The following TERB1 variants were observed in gnomAD, a reference collection of about 807,000 sequenced individuals.
The protein encoded by TERB1 is telomere repeat binding bouquet formation protein 1, also known as telomere repeats-binding bouquet formation protein 1.
In TERB1, 63 loss-of-function variants were observed where a neutral mutation model predicts 92.3. The observed-to-expected ratio is 0.68, with a 90% CI of 0.56 to 0.84. The LOEUF (loss-of-function observed/expected upper bound fraction) is 0.84. Among genes scored for constraint, TERB1 ranks in the 40% least tolerant of loss-of-function variants. TERB1 has a pLI of 0.00. For synonymous variants in TERB1, 252 were observed against 283.9 expected (o/e 0.89, Z 1.13); for missense variants, 709 against 843.7 (o/e 0.84, Z 1.98).
At chr16:66,759,334 A>T (rs1395993062) in intron 16 of TERB1, 44 bp from the exon 17 acceptor site, 4 of 1,412,010 alleles carry the variant, frequency 2.8e-6, no homozygotes. Context: ...GTCACAAAAT[A>T]TCTAGTAACA....
intron 9 of TERB1, among the ~76,000 whole-genome samples, chr16:66,783,098 C>T (rs2018665491): frequency 6.6e-6 from 1 of 152,184 alleles, no homozygotes; most frequent in South Asian, 2.1e-4. Context: ...AAGTGGTCCT[C>T]CTGCCTCAGC....
chr16:66,801,608 C>G (rs1276544810), upstream of TERB1: 1 of 152,258 alleles, frequency 6.6e-6, no homozygotes, highest in Non-Finnish European at 1.5e-5. Context: ...GCCCAGCCGA[C>G]CAGGCTCACG....
Position 66,785,787 on chromosome 16 carries a change from G to A in TERB1, c.699C>T (p.Asn233=), listed in dbSNP as rs2018719101. The A allele has an allele frequency of 3.3e-6, 5 of 1,530,620 alleles. No individual in the cohort carries two copies. The East Asian group carries it at 9.9e-5, about 30-fold the overall frequency. 94.8% of individuals were successfully genotyped at this position (1,530,620 alleles called of 1,614,324 possible). A position where few individuals can be genotyped will look rare whatever the true frequency, so the allele number is the denominator to read the frequency against. The change falls in exon 9 of 19, where the codon AAC becomes AAT. Residue 233 remains asparagine, a splice_region_variant and synonymous_variant. Coordinates refer to ENST00000433154, the MANE Select transcript of TERB1 (RefSeq NM_001136505.2). ...CSFIGLTLAN[N]TYVQKYFVSV... is the part of the protein sequence containing the mutation. ...ACCTAGAAAATAACGAACACTTACT[G>A]TTATTTGCAAGAGTGAGTCCAATAA...
intron 13 of TERB1, among the ~76,000 whole-genome samples, chr16:66,770,613 T>C (rs1405633020): frequency 2.0e-5 from 3 of 152,116 alleles, no homozygotes; most frequent in African/African-American, 7.2e-5. Context: ...AAGAAACCAT[T>C]ATATTTTAAT....
intron 16 of TERB1, among the ~76,000 whole-genome samples, chr16:66,762,818 G>A (rs1346062084): frequency 1.3e-5 from 2 of 151,600 alleles, no homozygotes; most frequent in South Asian, 4.2e-4. Flanking sequence ...CAAGTAGCTG[G>A]GACTATAGGC....
In TERB1 at chr16:66,791,006, G is replaced by A; in HGVS notation, c.45C>T (p.Asp15=). The A allele has an allele frequency of 1.3e-6, 2 of 1,527,524 alleles. No individual in the cohort carries two copies. The highest frequency in any genetic ancestry group is 1.8e-6 in the Non-Finnish European group (2 of 1,133,608). 94.6% of individuals were successfully genotyped at this position (1,527,524 alleles called of 1,614,324 possible). A position where few individuals can be genotyped will look rare whatever the true frequency, so the allele number is the denominator to read the frequency against. The part of the protein sequence containing the change: ...DTKKTQEMKT[D]LNLLLECLKY... Reference sequence around the variant, plus strand: ...TTAGACACTCCAATAATAAGTTCAGGTCAGTCTTCATTTCTAAAGAACAAA... The same window carrying A: ...TTAGACACTCCAATAATAAGTTCAGATCAGTCTTCATTTCTAAAGAACAAA... Residue 15 remains aspartate (D), a synonymous_variant, in exon 4 of 19, where the codon GAC becomes GAT. Transcript: ENST00000433154.
At chr16:66,775,601 T>A (rs2018533332) in intron 11 of TERB1, among the ~76,000 whole-genome samples, 1 of 151,890 alleles carries the variant, frequency 6.6e-6, no homozygotes, top group Non-Finnish European at 1.5e-5. Context: ...ACCATTGTAC[T>A]CCAGTTTGGG....
chr16:66,788,892 G>T (rs76073559), intron 5 of TERB1, among the ~76,000 whole-genome samples: 37 of 151,770 alleles, frequency 2.4e-4, no homozygotes, highest in African/African-American at 8.2e-4. Flanking sequence ...ACTAAGCCAG[G>T]CACAGAAAGA....
rs149158188 is a variant in TERB1, at chr16:66,781,773, G to T, written c.701-2758C>A. Among the ~76,000 whole-genome samples the T allele has an allele frequency of 9.5e-4, 144 of 152,218 alleles. 3 individuals are homozygous for T. In the East Asian group the frequency reaches 0.026, roughly 28 times the overall value. ...CTGACCTCGTGATCCGCCTGTCTCGGCCTCCCAAAGTGCTGGCATTACAGG... is the reference window on the plus strand; with the variant it reads ...CTGACCTCGTGATCCGCCTGTCTCGTCCTCCCAAAGTGCTGGCATTACAGG... On this transcript the variant is annotated intron_variant, in intron 9 of 18. Transcript: ENST00000433154.
intron 15 of TERB1, among the ~76,000 whole-genome samples, chr16:66,767,771 A>G (rs2018374861): frequency 6.6e-6 from 1 of 151,734 alleles, no homozygotes; most frequent in Admixed American, 6.6e-5. Context: ...TCTGTCGTCC[A>G]GGCTGGAGTG....
intron 10 of TERB1, 63 bp downstream of exon 10, chr16:66,778,800 A>C: frequency 7.8e-7 from 1 of 1,285,784 alleles, no homozygotes; most frequent in South Asian, 1.9e-5. Flanking sequence ...CTATTTCAAC[A>C]CTCTTCATGC....
intron 16 of TERB1, among the ~76,000 whole-genome samples, chr16:66,765,849 ATTTTTTTTTTTTTTTTTTTTT>A (rs10564947): frequency 2.2e-4 from 14 of 62,460 alleles, no homozygotes; most frequent in Non-Finnish European, 3.9e-4. Context: ...ACTATTGGGT[ATTTTTTTTTTTTTTTTTTTTT>A]TTTTTTTTTT....
intron 13 of TERB1, among the ~76,000 whole-genome samples, chr16:66,772,280 GACC>G (rs1240002554): frequency 6.6e-6 from 1 of 152,164 alleles, no homozygotes. Flanking sequence ...AGGCATTCAA[GACC>G]AGCCTGGCCA....
intron 3 of TERB1, among the ~76,000 whole-genome samples, chr16:66,791,427 A>G (rs2018833249): frequency 6.6e-6 from 1 of 152,186 alleles, no homozygotes; most frequent in African/African-American, 2.4e-5. Context: ...GCTCCCACCT[A>G]GGAAATTAGA....
chr16:66,786,213 G>A lies in TERB1; in HGVS notation c.461+12C>T. On this transcript the variant is annotated intron_variant, in intron 7 of 18. Transcript: ENST00000433154. ...ATGAATAATTAACAAAAAGAAATTT[G>A]TATTTGTTTACCTGAATAACCGTGA... is the stretch of plus-strand genomic sequence containing the variant. The A allele has an allele frequency of 6.5e-7, 1 of 1,544,376 alleles. No individual in the cohort carries two copies. Among genetic ancestry groups the A allele is most frequent in the Non-Finnish European group, 8.8e-7 (1 of 1,141,834 alleles).
chr16:66,801,313 CCCG>C (rs1959285389), intron 1 of TERB1, among the ~76,000 whole-genome samples, 152 bp downstream of exon 1: 1 of 152,204 alleles, frequency 6.6e-6, no homozygotes, highest in Non-Finnish European at 1.5e-5. Context: ...ACTGTCTCTT[CCCG>C]CCAAGGGCTG....
At chr16:66,796,899 G>T in intron 2 of TERB1, 69 bp from the exon 3 acceptor site, 1 of 765,540 alleles carries the variant, frequency 1.3e-6, no homozygotes. Context: ...AGTACAAATG[G>T]GCGGGAAAAA....
chr16:66,796,838 ATAAAGG>A lies in TERB1; in HGVS notation c.-32-14_-32-9del. ...TTTTTCCTTATATTTTGTCTATAAGATAAAGGTATTTTCTCAATTTAAATCAATGTT... is the reference window on the plus strand; with the variant it reads ...TTTTTCCTTATATTTTGTCTATAAGATATTTTCTCAATTTAAATCAATGTT... On this transcript the variant is annotated splice_polypyrimidine_tract_variant and intron_variant, in intron 2 of 18. Coordinates refer to ENST00000433154, the MANE Select transcript of TERB1 (RefSeq NM_001136505.2). The A allele has an allele frequency of 7.4e-7, 1 of 1,359,278 alleles. No individual in the cohort carries two copies. Among genetic ancestry groups the A allele is most frequent in the South Asian group, 1.3e-5 (1 of 78,574 alleles). 84.2% of individuals were successfully genotyped at this position (1,359,278 alleles called of 1,614,324 possible).
chr16:66,767,391 A>G, intron 16 of TERB1, 24 bp downstream of exon 16: 1 of 1,349,882 alleles, frequency 7.4e-7, no homozygotes, highest in South Asian at 1.4e-5. Flanking sequence ...ACTGTGAAAC[A>G]ACTGCAATTA....
Sources: allele counts gnomAD v4.1 joint callset (sites outside exome capture counted in the v4.1 genomes callset), GRCh38; gene constraint gnomAD v4.1.1; transcripts MANE v1.5; gene names NCBI Gene and HGNC (gene_info 2026-07-23, HGNC 2026-07-21).